The following NRXN3 variants were observed in gnomAD, a reference collection of about 807,000 sequenced individuals.
NRXN3 encodes the protein neurexin III.
NRXN3 carries 32 observed loss-of-function variants against 137.6 expected under a neutral mutation model. The observed-to-expected ratio is 0.23, with a 90% confidence interval of 0.18 to 0.31. The LOEUF (loss-of-function observed/expected upper bound fraction) is 0.31. Ranked by LOEUF, NRXN3 falls within the 10% of genes least tolerant of loss-of-function variation. The probability of loss-of-function intolerance (pLI) is 1.00; values close to 1 mark genes in which losing one functional copy is unlikely to be tolerated. For synonymous variants in NRXN3, 798 were observed against 784.5 expected (o/e 1.02, Z -0.29); for missense variants, 1,574 against 2,062.5 (o/e 0.76, Z 4.59).
chr14:79,849,742 C>T (rs1024700750), intron 20 of NRXN3, among the ~76,000 whole-genome samples: 1 of 152,156 alleles, frequency 6.6e-6, no homozygotes, highest in African/African-American at 2.4e-5. Flanking sequence ...CCAGCAATGC[C>T]TTTTCTGAGT....
At chr14:79,577,309 A>C (rs1246908200) in intron 16 of NRXN3, among the ~76,000 whole-genome samples, 3 of 152,200 alleles carry the variant, frequency 2.0e-5, no homozygotes, top group Non-Finnish European at 4.4e-5. Flanking sequence ...CAGCAATAAA[A>C]CAATTGCTTA....
intron 2 of NRXN3, among the ~76,000 whole-genome samples, chr14:78,257,536 G>A (rs1379987174): frequency 6.6e-6 from 1 of 152,236 alleles, no homozygotes; most frequent in African/African-American, 2.4e-5. Flanking sequence ...AGGAAACTTT[G>A]CAGAGCAAAT....
chr14:79,227,001 A>G, intron 15 of NRXN3, among the ~76,000 whole-genome samples: 1 of 151,672 alleles, frequency 6.6e-6, no homozygotes, highest in Non-Finnish European at 1.5e-5. Context: ...TTGTATTTTT[A>G]GTAGAAACGG....
chr14:78,641,196 G>C (rs2152565270), intron 4 of NRXN3, among the ~76,000 whole-genome samples: 1 of 152,300 alleles, frequency 6.6e-6, no homozygotes, highest in Non-Finnish European at 1.5e-5. Context: ...TACCCTTACT[G>C]TCAACTTAGT....
At chr14:79,627,573 T>G (rs960640895) in intron 16 of NRXN3, among the ~76,000 whole-genome samples, 1 of 152,220 alleles carries the variant, frequency 6.6e-6, no homozygotes, top group African/African-American at 2.4e-5. Context: ...TATCTGTCAT[T>G]AAATAGCTAC....
chr14:78,980,979 A>G (rs1039627994), intron 14 of NRXN3, among the ~76,000 whole-genome samples: 1 of 152,212 alleles, frequency 6.6e-6, no homozygotes, highest in Non-Finnish European at 1.5e-5. Context: ...TGGATGTTTT[A>G]AGATATTAAT....
At chr14:79,221,220 G>A (rs972319978) in intron 15 of NRXN3, among the ~76,000 whole-genome samples, 1 of 152,086 alleles carries the variant, frequency 6.6e-6, no homozygotes, top group Admixed American at 6.6e-5. Flanking sequence ...ACATACATGT[G>A]CATGTATCTT....
intron 4 of NRXN3, among the ~76,000 whole-genome samples, chr14:78,561,186 C>T (rs2096783366): frequency 6.6e-6 from 1 of 152,122 alleles, no homozygotes; most frequent in South Asian, 2.1e-4. Context: ...GGGTTTTCTA[C>T]AGCAGAGAAA....
At chr14:78,710,169 T>G (rs1236680874) in intron 7 of NRXN3, among the ~76,000 whole-genome samples, 1 of 152,208 alleles carries the variant, frequency 6.6e-6, no homozygotes, top group Non-Finnish European at 1.5e-5. Flanking sequence ...AAAGGCAAAT[T>G]GATTTTTCCT....
chr14:79,002,277 A>T (rs1364987960), intron 15 of NRXN3, among the ~76,000 whole-genome samples: 1 of 152,196 alleles, frequency 6.6e-6, no homozygotes, highest in Non-Finnish European at 1.5e-5. Flanking sequence ...ATAGGTAAAC[A>T]TATACTACGG....
chr14:79,517,298 T>G (rs562075105), intron 16 of NRXN3, among the ~76,000 whole-genome samples: 1 of 152,330 alleles, frequency 6.6e-6, no homozygotes, highest in Non-Finnish European at 1.5e-5. Flanking sequence ...TTTCTATTGA[T>G]ATTTTTTGAC....
chr14:78,256,382 G>C (rs1465280264), intron 2 of NRXN3, among the ~76,000 whole-genome samples: 1 of 152,224 alleles, frequency 6.6e-6, no homozygotes, highest in Non-Finnish European at 1.5e-5. Context: ...TAGAGGTGTT[G>C]GACCACAGAA....
intron 4 of NRXN3, among the ~76,000 whole-genome samples, chr14:78,528,689 G>A (rs866856545): frequency 9.2e-5 from 14 of 152,136 alleles, no homozygotes; most frequent in Admixed American, 2.0e-4. Flanking sequence ...ACTTCCATAG[G>A]CAGAAGGGAT....
intron 16 of NRXN3, among the ~76,000 whole-genome samples, chr14:79,629,832 TGTGTGTGTGTGC>T (rs1222783687): frequency 2.7e-5 from 2 of 73,240 alleles, no homozygotes; most frequent in Non-Finnish European, 4.7e-5. Flanking sequence ...TGTGCGTGTG[TGTGTGTGTGTGC>T]GTGTGTGTGT....
chr14:79,149,281 A>C (rs1357929668), intron 15 of NRXN3, among the ~76,000 whole-genome samples: 4 of 151,586 alleles, frequency 2.6e-5, no homozygotes, highest in Non-Finnish European at 5.9e-5. Flanking sequence ...ACCTGGCATC[A>C]CCATTCCATA....
intron 16 of NRXN3, among the ~76,000 whole-genome samples, chr14:79,506,441 G>A (rs1161449848): frequency 6.6e-6 from 1 of 152,162 alleles, no homozygotes; most frequent in African/African-American, 2.4e-5. Context: ...TATTTGCTAA[G>A]TTTCACAGTT....
At chr14:79,729,823 G>C (rs1208695612) in intron 19 of NRXN3, among the ~76,000 whole-genome samples, 2 of 152,180 alleles carry the variant, frequency 1.3e-5, no homozygotes, top group East Asian at 3.9e-4. Context: ...ATTCGAGTGA[G>C]TGCAGGGCAT....
intron 10 of NRXN3, among the ~76,000 whole-genome samples, chr14:78,884,418 A>G (rs75205021): frequency 0.02 from 3,075 of 152,240 alleles, 113 homozygotes; most frequent in African/African-American, 0.071. Flanking sequence ...ACTCCTGCCC[A>G]CATCAGTTTT....
chr14:78,738,678 A>C (rs2098551439), intron 8 of NRXN3, among the ~76,000 whole-genome samples: 1 of 151,524 alleles, frequency 6.6e-6, no homozygotes, highest in Admixed American at 6.6e-5. Context: ...AATATTCCCC[A>C]CCCCATTCTT....
Sources: allele counts gnomAD v4.1 joint callset (sites outside exome capture counted in the v4.1 genomes callset), GRCh38; gene constraint gnomAD v4.1.1; transcripts MANE v1.5; gene names NCBI Gene and HGNC (gene_info 2026-07-23, HGNC 2026-07-21).